Variants in NEGR1 observed in about 807,000 individuals in gnomAD.
NEGR1 encodes neuronal growth regulator 1.
A neutral mutation model predicts 40.9 loss-of-function variants in NEGR1; 10 were observed. The ratio of observed to expected loss-of-function variants is 0.24; its 90% CI spans 0.15 to 0.42. The LOEUF is 0.42. Among genes scored for constraint, NEGR1 ranks in the 10% least tolerant of loss-of-function variants. The pLI is 1.00. For missense variants in NEGR1, 352 were observed against 438.9 expected (o/e 0.80, Z 1.77); for synonymous variants, 185 against 166.8 (o/e 1.11, Z -0.84).
At chr1:71,886,507 G>T (rs1660728170) in intron 2 of NEGR1, among the ~76,000 whole-genome samples, 1 of 151,296 alleles carries the variant, frequency 6.6e-6, no homozygotes. Context: ...GAGGAATTGA[G>T]GGTGAGGCAG....
chr1:72,038,509 A>C (rs1280446211), intron 1 of NEGR1, among the ~76,000 whole-genome samples: 1 of 152,008 alleles, frequency 6.6e-6, no homozygotes, highest in Non-Finnish European at 1.5e-5. Flanking sequence ...GTGAGTATGC[A>C]AGCTCAAGCA....
chr1:71,469,854 T>A (rs1350866701), intron 6 of NEGR1, among the ~76,000 whole-genome samples: 1 of 152,110 alleles, frequency 6.6e-6, no homozygotes, highest in East Asian at 1.9e-4. Context: ...TATACAAAAG[T>A]AGAGTTGATC....
intron 1 of NEGR1, among the ~76,000 whole-genome samples, chr1:72,157,041 G>A (rs941112468): frequency 5.9e-5 from 9 of 151,942 alleles, no homozygotes; most frequent in African/African-American, 1.7e-4. Flanking sequence ...TAGCTCATAA[G>A]AGCCTCCACC....
At chr1:71,701,694 T>A in intron 3 of NEGR1, among the ~76,000 whole-genome samples, 1 of 152,064 alleles carries the variant, frequency 6.6e-6, no homozygotes, top group East Asian at 1.9e-4. Context: ...TCTGCATGGT[T>A]TTCTACCAAT....
At chr1:71,939,926 C>G (rs978822405) in intron 1 of NEGR1, among the ~76,000 whole-genome samples, 1 of 152,098 alleles carries the variant, frequency 6.6e-6, no homozygotes, top group South Asian at 2.1e-4. Flanking sequence ...GATGAAGAAG[C>G]AAAGGTACTG....
chr1:71,691,660 A>G (rs1653285654), intron 4 of NEGR1, among the ~76,000 whole-genome samples: 1 of 151,776 alleles, frequency 6.6e-6, no homozygotes, highest in South Asian at 2.1e-4. Flanking sequence ...TTTTTTCATT[A>G]TGAAACACTG....
chr1:72,079,107 ATAT>A (rs1557516016), intron 1 of NEGR1, among the ~76,000 whole-genome samples: 2 of 134,418 alleles, frequency 1.5e-5, no homozygotes, highest in Non-Finnish European at 3.3e-5. Flanking sequence ...ATATATATAT[ATAT>A]AATATTATAT....
intron 2 of NEGR1, among the ~76,000 whole-genome samples, chr1:71,866,636 A>G (rs1660122737): frequency 6.6e-6 from 1 of 152,212 alleles, no homozygotes; most frequent in Admixed American, 6.5e-5. Flanking sequence ...GCCACTGTGT[A>G]GTAATTCCAT....
At chr1:71,743,344 T>A (rs1048399848) in intron 3 of NEGR1, among the ~76,000 whole-genome samples, 2 of 151,440 alleles carry the variant, frequency 1.3e-5, no homozygotes, top group African/African-American at 4.8e-5. Context: ...TCTAGGAAAC[T>A]GCAGTTACTT....
chr1:71,604,877 G>A (rs930828767), intron 5 of NEGR1, among the ~76,000 whole-genome samples: 4 of 152,144 alleles, frequency 2.6e-5, no homozygotes, highest in Non-Finnish European at 5.9e-5. Context: ...AATAGGCCAA[G>A]TTTGAAATAT....
chr1:72,234,537 A>G (rs1405992826), intron 1 of NEGR1, among the ~76,000 whole-genome samples: 1 of 152,140 alleles, frequency 6.6e-6, no homozygotes. Context: ...GCATCTGACA[A>G]AGGTCTAATA....
At chr1:71,585,805 C>T (rs1429410481) in intron 6 of NEGR1, among the ~76,000 whole-genome samples, 1 of 144,424 alleles carries the variant, frequency 6.9e-6, no homozygotes, top group Admixed American at 7.3e-5. Flanking sequence ...AGTGCATTAA[C>T]AAATGAATCA....
Position 72,139,095 on chromosome 1 carries a change from G to A in NEGR1, c.176+143224C>T, listed in dbSNP as rs530225980. Among the ~76,000 whole-genome samples, 88 of 23,638 alleles carry A rather than the reference G, an allele frequency of 3.7e-3. 1 individual carries two copies. In the South Asian group the frequency reaches 0.062, roughly 17 times the overall value. The allele number at this position is 23,638 out of a possible 152,430, so 15.5% of individuals were successfully genotyped here. A position where few individuals can be genotyped will look rare whatever the true frequency, so the allele number is the denominator to read the frequency against. On this transcript the variant is annotated intron_variant, in intron 1 of 6. Coordinates refer to ENST00000357731, the MANE Select transcript of NEGR1 (RefSeq NM_173808.3). ...GGAAACACATATCTAAATAGCTCATGAGTCAAAAAAAAAAATCAAAGGTGA... is the reference window on the plus strand; with the variant it reads ...GGAAACACATATCTAAATAGCTCATAAGTCAAAAAAAAAAATCAAAGGTGA...
chr1:71,930,751 T>C (rs977466567), intron 2 of NEGR1, among the ~76,000 whole-genome samples: 1 of 152,146 alleles, frequency 6.6e-6, no homozygotes, highest in South Asian at 2.1e-4. Flanking sequence ...TATTAGGAAA[T>C]ATCCTTGTGA....
intron 1 of NEGR1, among the ~76,000 whole-genome samples, chr1:72,112,320 T>C (rs1649406277): frequency 6.6e-6 from 1 of 151,606 alleles, no homozygotes; most frequent in Admixed American, 6.6e-5. Flanking sequence ...TATCTGAAAA[T>C]GTAAAGTAGT....
chr1:71,901,954 C>T (rs893516112), intron 2 of NEGR1, among the ~76,000 whole-genome samples: 2 of 152,026 alleles, frequency 1.3e-5, no homozygotes, highest in African/African-American at 4.8e-5. Flanking sequence ...CAGGCGTGAG[C>T]CACCACACCT....
At chr1:72,239,564 T>A (rs1654667900) in intron 1 of NEGR1, among the ~76,000 whole-genome samples, 1 of 151,684 alleles carries the variant, frequency 6.6e-6, no homozygotes, top group South Asian at 2.1e-4. Context: ...GAAACTGAAA[T>A]CTAAAAATGC....
chr1:71,578,493 A>G (rs1649032000), intron 6 of NEGR1, among the ~76,000 whole-genome samples: 2 of 152,090 alleles, frequency 1.3e-5, no homozygotes, highest in African/African-American at 2.4e-5. Context: ...TTATCATGCC[A>G]TTATCAATCA....
At chr1:71,945,105 T>G (rs1646005739) in intron 1 of NEGR1, among the ~76,000 whole-genome samples, 1 of 152,192 alleles carries the variant, frequency 6.6e-6, no homozygotes, top group Non-Finnish European at 1.5e-5. Context: ...TAACTTTTCC[T>G]TAACAAACTG....
Sources: gnomAD v4.1 joint callset for allele counts (sites outside exome capture counted in the v4.1 genomes callset) on GRCh38, gnomAD v4.1.1 for gene constraint, MANE v1.5 for transcripts, NCBI Gene and HGNC (gene_info 2026-07-23, HGNC 2026-07-21) for gene names.